MAP4K3: variants seen among roughly 807,000 people sequenced by gnomAD.
MAP4K3 encodes MAPK/ERK kinase kinase kinase 3.
Under a neutral mutation model 143.5 loss-of-function variants are expected in MAP4K3, and 94 were observed. The ratio of observed to expected loss-of-function variants is 0.65; its 90% CI spans 0.55 to 0.78. The LOEUF is 0.78. Ranked by LOEUF, MAP4K3 falls within the 30% of genes least tolerant of loss-of-function variation. The pLI is 0.00. For synonymous variants in MAP4K3, 416 were observed against 347.2 expected, an observed-to-expected ratio of 1.20 and a Z score of -2.20; for missense variants, 1,077 against 1,068.1, an observed-to-expected ratio of 1.01 and a Z score of -0.12.
intron 24 of MAP4K3, among the ~76,000 whole-genome samples, chr2:39,274,365 C>T (rs1341903132): frequency 6.6e-6 from 1 of 151,768 alleles, no homozygotes; most frequent in African/African-American, 2.4e-5. Flanking sequence ...TACAGGCGCC[C>T]GCCACCACGC....
In MAP4K3 at chr2:39,396,566, T is replaced by C. The variant is rs199875757; in HGVS notation, c.97-18443A>G. 4.0e-5 allele frequency among the ~76,000 whole-genome samples: 6 copies of C among 151,226 alleles called. No individual in the cohort carries two copies. In the East Asian group the frequency reaches 1.2e-3, roughly 29 times the overall value. ...TTGGCTCATTGCAAGCTCCGCCTCC[T>C]GGGTTCACGCCATTCTCCTGCCTCA... On this transcript the variant is annotated intron_variant, in intron 1 of 33. Coordinates refer to ENST00000263881, the MANE Select transcript of MAP4K3 (RefSeq NM_003618.4).
intron 8 of MAP4K3, among the ~76,000 whole-genome samples, chr2:39,329,674 C>A (rs1047182325): frequency 6.6e-6 from 1 of 151,992 alleles, no homozygotes. Context: ...AGGACCAAGA[C>A]GAAGAAGAGA....
intron 2 of MAP4K3, among the ~76,000 whole-genome samples, chr2:39,374,158 G>T (rs1050434982): frequency 6.6e-6 from 1 of 152,128 alleles, no homozygotes; most frequent in Non-Finnish European, 1.5e-5. Flanking sequence ...CAGGCAGGCG[G>T]ATCACTTGAT....
At chr2:39,359,575 C>T (rs1665707802) in intron 2 of MAP4K3, among the ~76,000 whole-genome samples, 1 of 152,256 alleles carries the variant, frequency 6.6e-6, no homozygotes, top group South Asian at 2.1e-4. Flanking sequence ...GGCTCCAACC[C>T]CATGTTTCCC....
intron 1 of MAP4K3, among the ~76,000 whole-genome samples, chr2:39,426,056 G>A (rs550389847): frequency 2.6e-5 from 4 of 152,128 alleles, no homozygotes; most frequent in African/African-American, 9.7e-5. Flanking sequence ...GAGATAATCT[G>A]ATAGTGAAGA....
chr2:39,369,208 T>TTTTTTTG (rs1666013646), intron 2 of MAP4K3, among the ~76,000 whole-genome samples: 1 of 145,356 alleles, frequency 6.9e-6, no homozygotes, highest in Non-Finnish European at 1.5e-5. Context: ...TTTTTTTGTT[T>TTTTTTTG]TTTTTGAGAT....
intron 3 of MAP4K3, among the ~76,000 whole-genome samples, chr2:39,349,440 C>G (rs1665387854): frequency 6.6e-6 from 1 of 152,132 alleles, no homozygotes; most frequent in Non-Finnish European, 1.5e-5. Context: ...CAGTGTTCAG[C>G]ATAATATTTC....
At chr2:39,309,238 C>T (rs1422798510) in intron 14 of MAP4K3, among the ~76,000 whole-genome samples, 2 of 152,128 alleles carry the variant, frequency 1.3e-5, no homozygotes, top group African/African-American at 2.4e-5. Flanking sequence ...ATCCTCCTGC[C>T]GTAGCCACCC....
At chr2:39,275,836 T>C (rs896302396) in intron 24 of MAP4K3, among the ~76,000 whole-genome samples, 1 of 152,316 alleles carries the variant, frequency 6.6e-6, no homozygotes, top group Admixed American at 6.5e-5. Flanking sequence ...ATTACTTATA[T>C]ATTTTTCTTT....
intron 1 of MAP4K3, among the ~76,000 whole-genome samples, chr2:39,389,433 T>G (rs1455163266): frequency 2.0e-5 from 3 of 152,060 alleles, no homozygotes; most frequent in Non-Finnish European, 4.4e-5. Context: ...AAACCTCAGA[T>G]TCAGAAGACA....
At chr2:39,335,825 C>A (rs528791319) in intron 6 of MAP4K3, among the ~76,000 whole-genome samples, 1 of 152,252 alleles carries the variant, frequency 6.6e-6, no homozygotes, top group Non-Finnish European at 1.5e-5. Context: ...ATTGAAATTT[C>A]TTGGAAAATT....
At chr2:39,302,165 A>G (rs1390759262) in intron 15 of MAP4K3, among the ~76,000 whole-genome samples, 1 of 152,220 alleles carries the variant, frequency 6.6e-6, no homozygotes, top group African/African-American at 2.4e-5. Context: ...TATAGAGAAT[A>G]ACATTCAGGC....
chr2:39,285,925 G>A (rs1288751783), intron 21 of MAP4K3, among the ~76,000 whole-genome samples: 1 of 152,116 alleles, frequency 6.6e-6, no homozygotes, highest in Non-Finnish European at 1.5e-5. Context: ...CATCTCTTAT[G>A]ATCCCTGATG....
chr2:39,327,358 A>G (rs1683528363), intron 8 of MAP4K3, among the ~76,000 whole-genome samples: 1 of 152,236 alleles, frequency 6.6e-6, no homozygotes. Context: ...GTATTTATTC[A>G]GAGGAAAGTT....
intron 16 of MAP4K3, among the ~76,000 whole-genome samples, chr2:39,296,810 G>A (rs1682301727): frequency 6.6e-6 from 1 of 152,086 alleles, no homozygotes. Context: ...ATAAATAAAG[G>A]CAACTAATAA....
Position 39,249,841 on chromosome 2 carries a change from T to C in MAP4K3, c.*777A>G, listed in dbSNP as rs926629003. On this transcript the variant is annotated 3_prime_UTR_variant, in exon 34 of 34. Coordinates refer to ENST00000263881, the MANE Select transcript of MAP4K3 (RefSeq NM_003618.4). ...ATTCAAAAATGTTCAAAGGTATTGTTTTTAAGCAAAGACAAGCAATCTTAC... is the reference window on the plus strand; with the variant it reads ...ATTCAAAAATGTTCAAAGGTATTGTCTTTAAGCAAAGACAAGCAATCTTAC... 2 of 152,596 alleles carry C rather than the reference T, an allele frequency of 1.3e-5. No homozygotes were observed. The highest frequency in any genetic ancestry group is 4.8e-5 in the African/African-American group (2 of 41,462). The allele number at this position is 152,596 out of a possible 1,614,324, so 9.5% of individuals were successfully genotyped here.
chr2:39,315,165 A>C, intron 13 of MAP4K3, 145 bp downstream of exon 13: 1 of 527,270 alleles, frequency 1.9e-6, no homozygotes, highest in Non-Finnish European at 3.2e-6. Context: ...GGAAAATGAA[A>C]TTCTTACTGC....
intron 22 of MAP4K3, 48 bp downstream of exon 22, chr2:39,282,465 A>G: frequency 2.0e-6 from 3 of 1,474,834 alleles, no homozygotes. Context: ...GATAACACAC[A>G]CAAGTGACTT....
chr2:39,339,764 A>T (rs1665088868), intron 4 of MAP4K3, among the ~76,000 whole-genome samples: 1 of 152,120 alleles, frequency 6.6e-6, no homozygotes. Flanking sequence ...TGAGCATTCA[A>T]ATATATATTG....
Sources: allele counts gnomAD v4.1 joint callset (sites outside exome capture counted in the v4.1 genomes callset), GRCh38; gene constraint gnomAD v4.1.1; transcripts MANE v1.5; gene names NCBI Gene and HGNC (gene_info 2026-07-23, HGNC 2026-07-21).